FANCI: variants seen among roughly 807,000 people sequenced by gnomAD.
The protein encoded by FANCI is FA complementation group I, also known as Fanconi anemia group I protein.
Under a neutral mutation model 176.1 loss-of-function variants are expected in FANCI, and 156 were observed. That is an observed-to-expected ratio of 0.89 (90% CI 0.78 to 1.01). FANCI has a LOEUF of 1.01. Ranked by LOEUF, FANCI falls within the 50% of genes least tolerant of loss-of-function variation. The pLI is 0.00. For synonymous variants in FANCI, 613 were observed against 541.7 expected (o/e 1.13, Z -1.83); for missense variants, 1,678 against 1,534.1 (o/e 1.09, Z -1.57).
At chr15:89,257,317 A>G (rs1311896921) in intron 2 of FANCI, among the ~76,000 whole-genome samples, 2 of 152,170 alleles carry the variant, frequency 1.3e-5, no homozygotes, top group Admixed American at 6.5e-5. Flanking sequence ...CATCGCCTGT[A>G]TTAGTGTGCT....
At chr15:89,297,593 C>T (rs917542960) in intron 24 of FANCI, among the ~76,000 whole-genome samples, 1 of 152,106 alleles carries the variant, frequency 6.6e-6, no homozygotes, top group African/African-American at 2.4e-5. Flanking sequence ...ACCCCGTCTC[C>T]ATCAAAAAAA....
Position 89,307,500 on chromosome 15 carries a change from G to C in FANCI, c.3562G>C (p.Gly1188Arg). ...GTATCTCCAGGTGTGTCAGAGCTCCGGAGGAATTCCAAAAAATATGGAAAA... is the reference window on the plus strand; with the variant it reads ...GTATCTCCAGGTGTGTCAGAGCTCCCGAGGAATTCCAAAAAATATGGAAAA... ...RYYLQVCQSS[G>R]GIPKNMEKLV... Residue 1188 changes from glycine (G) to arginine (R), a missense_variant, in exon 33 of 38, where the codon GGA becomes CGA. Around this residue, in one of 3 missense-constraint regions of FANCI, gnomAD observed 1,204 missense variants for 1,077.4 expected, o/e 1.12. Coordinates refer to ENST00000310775, the MANE Select transcript of FANCI (RefSeq NM_001113378.2). The C allele has an allele frequency of 6.2e-7, 1 of 1,614,148 alleles. No homozygotes were observed. Among genetic ancestry groups the C allele is most frequent in the Non-Finnish European group, 8.5e-7 (1 of 1,180,034 alleles).
intron 34 of FANCI, among the ~76,000 whole-genome samples, chr15:89,308,518 C>T (rs1312025319): frequency 6.6e-6 from 1 of 152,214 alleles, no homozygotes; most frequent in African/African-American, 2.4e-5. Context: ...ATTATTAAAG[C>T]AATGGATCGT....
chr15:89,301,373 C>T lies in FANCI; in HGVS notation c.2937C>T (p.Ser979=). 1.2e-6 allele frequency: 2 copies of T among 1,614,110 alleles called. No individual in the cohort carries two copies. Among genetic ancestry groups the T allele is most frequent in the Non-Finnish European group, 8.5e-7 (1 of 1,180,008 alleles). The change falls in exon 27 of 38, where the codon AGC becomes AGT. Residue 979 remains serine, a synonymous_variant. Transcript: ENST00000310775. ...LLSSQEEDFN[S]KEALLLVTVL... ...GCAGTCAAGAGGAAGATTTTAATAG[C>T]AAAGAAGCCCTCCTGCTAGTCACGG...
chr15:89,305,394 T>C lies in FANCI; in HGVS notation c.3240T>C (p.Ala1080=). Residue 1080 remains alanine, a synonymous_variant, in exon 30 of 38, where the codon GCT becomes GCC. Coordinates refer to ENST00000310775, the MANE Select transcript of FANCI (RefSeq NM_001113378.2). ...NHFAIVNLRT[A]APTVCLLVLS... ...TTGCAATAGTGAATTTGAGAACGGCTGCCCCCACTGTCTGTGTAAGTGTTG... is the reference window on the plus strand; with the variant it reads ...TTGCAATAGTGAATTTGAGAACGGCCGCCCCCACTGTCTGTGTAAGTGTTG... 3.1e-6 allele frequency: 5 copies of C among 1,613,656 alleles called. No homozygotes were observed. The highest frequency in any genetic ancestry group is 4.2e-6 in the Non-Finnish European group (5 of 1,180,012).
chr15:89,279,338 A>G (rs2053528571), intron 14 of FANCI, among the ~76,000 whole-genome samples: 1 of 152,140 alleles, frequency 6.6e-6, no homozygotes, highest in African/African-American at 2.4e-5. Flanking sequence ...TTGTATTATT[A>G]GTAGAGACAG....
chr15:89,286,406 C>G (rs2053819100), intron 18 of FANCI, among the ~76,000 whole-genome samples: 3 of 152,194 alleles, frequency 2.0e-5, no homozygotes, highest in Non-Finnish European at 4.4e-5. Context: ...AAGAGAAATA[C>G]AACTACTGAC....
chr15:89,261,968 T>A, intron 6 of FANCI, 90 bp downstream of exon 6: 1 of 1,137,962 alleles, frequency 8.8e-7, no homozygotes, highest in Non-Finnish European at 1.3e-6. Context: ...CTGGAGGTTT[T>A]AAGTCCTTCT....
At position 89,273,299 on chromosome 15, in the gene FANCI, C is replaced by CT. The variant is rs10707260; in HGVS notation, c.883-67dup. On this transcript the variant is annotated intron_variant, in intron 10 of 37. Transcript: ENST00000310775. ...AGCCTGGGCAACAGAGAGACCCAAT[C>CT]TTTTTTTTTTTAAAAAAAAAAAAAA... is the stretch of plus-strand genomic sequence containing the variant. 3,682 of 640,776 alleles carry CT rather than the reference C, an allele frequency of 5.7e-3. 3 individuals are homozygous for CT. Among genetic ancestry groups the CT allele is most frequent in the Non-Finnish European group, 6.6e-3 (2,496 of 379,486 alleles). The allele number at this position is 640,776 out of a possible 1,614,324, so 39.7% of individuals were successfully genotyped here.
intron 3 of FANCI, chr15:89,259,110 G>T: frequency 3.1e-6 from 1 of 322,010 alleles, no homozygotes; most frequent in Non-Finnish European, 6.0e-6. Flanking sequence ...GCTTAGCAAG[G>T]GGCAAGTAAC....
At chr15:89,298,355 C>T (rs969776210) in intron 24 of FANCI, among the ~76,000 whole-genome samples, 5 of 152,106 alleles carry the variant, frequency 3.3e-5, no homozygotes, top group South Asian at 2.1e-4. Context: ...AGATAATCCC[C>T]ATATATTAGA....
chr15:89,283,394 A>C, intron 17 of FANCI, 144 bp downstream of exon 17: 1 of 1,233,018 alleles, frequency 8.1e-7, no homozygotes. Context: ...GGTGCTGATG[A>C]TGATGATGAT....
chr15:89,285,989 T>TA (rs2053800414), intron 18 of FANCI, among the ~76,000 whole-genome samples: 1 of 151,800 alleles, frequency 6.6e-6, no homozygotes, highest in South Asian at 2.1e-4. Flanking sequence ...AAACTTAGTT[T>TA]TTTTTTTTCT....
chr15:89,293,667 T>TA (rs2054149444), intron 22 of FANCI, among the ~76,000 whole-genome samples, 166 bp from the exon 23 acceptor site: 1 of 152,192 alleles, frequency 6.6e-6, no homozygotes, highest in African/African-American at 2.4e-5. Context: ...AAAACCCAGA[T>TA]AGATTGCTGT....
intron 27 of FANCI, among the ~76,000 whole-genome samples, chr15:89,302,331 C>G (rs990615535): frequency 1.3e-5 from 2 of 152,082 alleles, no homozygotes; most frequent in African/African-American, 4.8e-5. Flanking sequence ...AAACAGCTCA[C>G]CCCCACTTTG....
intron 24 of FANCI, among the ~76,000 whole-genome samples, chr15:89,296,917 G>A (rs1186881024): frequency 1.5e-4 from 22 of 148,458 alleles, no homozygotes; most frequent in Non-Finnish European, 2.6e-4. Context: ...CCGGGCGGGG[G>A]GCTGACCCCC....
Position 89,260,786 on chromosome 15 carries a change from A to G in FANCI, c.231A>G (p.Glu77=). Residue 77 remains glutamate (E), a synonymous_variant, in exon 4 of 38, where the codon GAA becomes GAG. Transcript: ENST00000310775. Reference sequence around the variant, plus strand: ...ACACTTGTTGTATCCAGTTGGTGGAATCGGGGGATTTGCAGAAAGAAATAG... The same window carrying G: ...ACACTTGTTGTATCCAGTTGGTGGAGTCGGGGGATTTGCAGAAAGAAATAG... ...KIYTCCIQLV[E]SGDLQKEIAS... 6.2e-7 allele frequency: 1 copy of G among 1,614,014 alleles called. No homozygotes were observed. The highest frequency in any genetic ancestry group is 8.5e-7 in the Non-Finnish European group (1 of 1,179,918).
chr15:89,315,860 TC>T (rs1377962170), intron 37 of FANCI, among the ~76,000 whole-genome samples: 1 of 152,174 alleles, frequency 6.6e-6, no homozygotes, highest in Non-Finnish European at 1.5e-5. Flanking sequence ...CGCATCCCCA[TC>T]CCTGCACCAC....
intron 18 of FANCI, 117 bp downstream of exon 18, chr15:89,285,335 A>G: frequency 7.3e-7 from 1 of 1,361,426 alleles, no homozygotes; most frequent in Non-Finnish European, 1.0e-6. Flanking sequence ...TGTAGTCAGC[A>G]CCAGTAGCTA....
Sources: allele counts gnomAD v4.1 joint callset (sites outside exome capture counted in the v4.1 genomes callset), GRCh38; gene constraint gnomAD v4.1.1; regional missense constraint gnomAD v4.1.1; transcripts MANE v1.5; gene names NCBI Gene and HGNC (gene_info 2026-07-23, HGNC 2026-07-21).